MARK2: variants seen among roughly 807,000 people sequenced by gnomAD.
MARK2 encodes serine/threonine-protein kinase MARK2.
A neutral mutation model predicts 89.8 loss-of-function variants in MARK2; 16 were observed. The observed-to-expected ratio is 0.18, with a 90% CI of 0.12 to 0.27. The LOEUF is 0.27. Ranked by LOEUF, MARK2 falls within the 10% of genes least tolerant of loss-of-function variation. The probability of loss-of-function intolerance (pLI) is 1.00; values close to 1 mark genes in which losing one functional copy is unlikely to be tolerated. For synonymous variants in MARK2, 382 were observed against 399.5 expected (o/e 0.96, Z 0.52); for missense variants, 621 against 1,049.9 (o/e 0.59, Z 5.65).
intron 1 of MARK2, among the ~76,000 whole-genome samples, chr11:63,869,683 T>G (rs1938339348): frequency 6.6e-6 from 1 of 152,094 alleles, no homozygotes; most frequent in African/African-American, 2.4e-5. Flanking sequence ...TCTACCTAGG[T>G]TGCTTTTAAT....
Position 63,839,267 on chromosome 11 carries a change from G to T in MARK2, c.-240G>T, listed in dbSNP as rs2015879835. On this transcript the variant is annotated 5_prime_UTR_variant, in exon 1 of 19. Coordinates refer to ENST00000402010, the MANE Select transcript of MARK2 (RefSeq NM_001039469.3). ...AGCGGCGCGGCCCGGCCGAAAGGCG[G>T]CACAGCCCAGCCGGGGGTCGGGGGG... The T allele has an allele frequency of 3.5e-6, 1 of 288,752 alleles. No individual in the cohort carries two copies. Among genetic ancestry groups the T allele is most frequent in the African/African-American group, 2.2e-5 (1 of 44,852 alleles). The allele number at this position is 288,752 out of a possible 1,614,324, so 17.9% of individuals were successfully genotyped here. A position where few individuals can be genotyped will look rare whatever the true frequency, so the allele number is the denominator to read the frequency against.
intron 1 of MARK2, among the ~76,000 whole-genome samples, chr11:63,873,898 C>T (rs1307354503): frequency 1.3e-5 from 2 of 152,246 alleles, no homozygotes; most frequent in African/African-American, 4.8e-5. Context: ...CCGCCTGCCT[C>T]GGCCTCCCGA....
chr11:63,887,166 G>A (rs1300472682), intron 1 of MARK2, among the ~76,000 whole-genome samples: 4 of 152,246 alleles, frequency 2.6e-5, no homozygotes, highest in Non-Finnish European at 4.4e-5. Flanking sequence ...AGCTTATGGA[G>A]GAGGAGCCAG....
intron 1 of MARK2, among the ~76,000 whole-genome samples, chr11:63,844,317 A>G (rs1423044933): frequency 6.6e-6 from 1 of 152,126 alleles, no homozygotes; most frequent in African/African-American, 2.4e-5. Flanking sequence ...CCATCTCTAC[A>G]AAAAAATTTT....
rs752921458 is a variant in MARK2, at chr11:63,900,917, G to A, written c.988+38G>A. On this transcript the variant is annotated intron_variant, in intron 10 of 18. Transcript: ENST00000402010. The surrounding 1 kb of genome is among the most constrained non-coding windows in gnomAD (Gnocchi z 4.7). ...CGGGCTGTGAGGTTAAGCTTGCCTA[G>A]GAGTTGAGGCCAGTCTTAACTGTAT... 1.9e-6 allele frequency: 3 copies of A among 1,611,504 alleles called. No individual in the cohort carries two copies. The South Asian group carries it at 3.3e-5, about 18-fold the overall frequency.
intron 1 of MARK2, among the ~76,000 whole-genome samples, chr11:63,844,103 GTGT>G (rs1249149467): frequency 1.3e-5 from 2 of 152,182 alleles, no homozygotes; most frequent in Non-Finnish European, 2.9e-5. Flanking sequence ...CAGGAAGGAA[GTGT>G]TGTTAGAGCA....
intron 16 of MARK2, among the ~76,000 whole-genome samples, chr11:63,905,514 A>G (rs942164821): frequency 6.6e-6 from 1 of 152,232 alleles, no homozygotes. Flanking sequence ...AGGCGCAGCC[A>G]TGCCCTTCTG....
chr11:63,852,686 A>G (rs2016631428), intron 1 of MARK2, among the ~76,000 whole-genome samples: 1 of 151,732 alleles, frequency 6.6e-6, no homozygotes, highest in African/African-American at 2.4e-5. Context: ...AAAAAAAAAA[A>G]AAGAAAAGAA....
At position 63,862,697 on chromosome 11, in the gene MARK2, A is replaced by G. The variant is rs189439128; in HGVS notation, c.54+23137A>G. ...TCTTTTCCCATCTTCCGGAATTTCA[A>G]GAACCCCTTTAGAAAAACCAAAGCC... On this transcript the variant is annotated intron_variant, in intron 1 of 18. Transcript: ENST00000402010. Among the ~76,000 whole-genome samples the G allele has an allele frequency of 8.7e-4, 132 of 152,292 alleles. 1 individual carries two copies. The East Asian group carries it at 0.022, about 25-fold the overall frequency.
chr11:63,860,424 C>T (rs929331581), intron 1 of MARK2, among the ~76,000 whole-genome samples: 8 of 149,392 alleles, frequency 5.4e-5, no homozygotes, highest in Non-Finnish European at 8.9e-5. Context: ...TGGTGGCGTG[C>T]GCCTGTAGTC....
chr11:63,900,162 G>T lies in MARK2; in HGVS notation c.768+52G>T, dbSNP rs781044204. 7.2e-7 allele frequency: 1 copy of T among 1,389,322 alleles called. No homozygotes were observed. The highest frequency in any genetic ancestry group is 1.0e-6 in the Non-Finnish European group (1 of 977,934). The allele number at this position is 1,389,322 out of a possible 1,614,324, so 86.1% of individuals were successfully genotyped here. A position where few individuals can be genotyped will look rare whatever the true frequency, so the allele number is the denominator to read the frequency against. On this transcript the variant is annotated intron_variant, in intron 8 of 18. Transcript: ENST00000402010. This position sits in a 1 kb window ranked among gnomAD's most constrained non-coding sequence, Gnocchi z 4.7. ...GCTTCTCATTTCCTCTCGGCCTCTG[G>T]TCTTAGCCCTGACCTCCTGCCTTTG...
intron 1 of MARK2, among the ~76,000 whole-genome samples, chr11:63,862,179 C>T (rs1366135207): frequency 6.6e-6 from 1 of 152,088 alleles, no homozygotes; most frequent in African/African-American, 2.4e-5. Flanking sequence ...CCCATCTCAG[C>T]TTCCCAAAGT....
At chr11:63,883,551 C>T (rs574962214) in intron 1 of MARK2, among the ~76,000 whole-genome samples, 1 of 151,852 alleles carries the variant, frequency 6.6e-6, no homozygotes, top group African/African-American at 2.4e-5. Context: ...CTGAACACCA[C>T]GTTCTATGGT....
chr11:63,868,919 C>T, intron 1 of MARK2: 1 of 455,622 alleles, frequency 2.2e-6, no homozygotes, highest in Non-Finnish European at 4.4e-6. Flanking sequence ...GGTGAGGACC[C>T]AGATTTTCCT....
chr11:63,861,622 A>G (rs1438948114), intron 1 of MARK2, among the ~76,000 whole-genome samples: 1 of 152,022 alleles, frequency 6.6e-6, no homozygotes. Context: ...TCATTTTTGC[A>G]TGGTTTGCCT....
At chr11:63,893,134 G>A (rs867569977) in intron 1 of MARK2, among the ~76,000 whole-genome samples, 13 of 150,576 alleles carry the variant, frequency 8.6e-5, no homozygotes, top group Non-Finnish European at 1.8e-4. Context: ...GGCTGGTCTC[G>A]AACTCCTGAC....
At chr11:63,895,522 G>C in intron 2 of MARK2, 58 bp from the exon 3 acceptor site, 1 of 1,529,458 alleles carries the variant, frequency 6.5e-7, no homozygotes, top group Non-Finnish European at 9.1e-7. Flanking sequence ...AAGTAGATTG[G>C]AATCCTGGGT....
intron 1 of MARK2, among the ~76,000 whole-genome samples, chr11:63,851,955 A>T (rs1305795805): frequency 6.6e-6 from 1 of 152,096 alleles, no homozygotes; most frequent in Non-Finnish European, 1.5e-5. Context: ...GATACTTGAG[A>T]ATTTTGGACA....
rs1941507819 is a variant in MARK2, at chr11:63,908,266, G to C, written c.1968G>C (p.Leu656=). The change falls in exon 18 of 19, where the codon CTG becomes CTC. Residue 656 remains leucine, a synonymous_variant. Coordinates refer to ENST00000402010, the MANE Select transcript of MARK2 (RefSeq NM_001039469.3). ...CCTCGCTCTGTTTTTTGAGGAACCT[G>C]AATGAACCTGAAAGCAAAGACCGAG... ...NLSFRFARRN[L]NEPESKDRVE... The C allele has an allele frequency of 6.4e-7, 1 of 1,563,928 alleles. No individual in the cohort carries two copies. The highest frequency in any genetic ancestry group is 8.7e-7 in the Non-Finnish European group (1 of 1,153,324).
Sources: allele counts gnomAD v4.1 joint callset (sites outside exome capture counted in the v4.1 genomes callset), GRCh38; gene constraint gnomAD v4.1.1; non-coding constraint Gnocchi (gnomAD v3.1); transcripts MANE v1.5; gene names NCBI Gene and HGNC (gene_info 2026-07-23, HGNC 2026-07-21).